Variants in LRRC7 observed in about 807,000 individuals in gnomAD.
The protein encoded by LRRC7 is leucine-rich repeat-containing protein 7.
A neutral mutation model predicts 175.7 loss-of-function variants in LRRC7; 23 were observed. The ratio of observed to expected loss-of-function variants is 0.13; its 90% CI spans 0.09 to 0.19. LRRC7 has a LOEUF of 0.19. LRRC7 is among the 10% of genes least tolerant of loss of function. The pLI is 1.00. For synonymous variants in LRRC7, 685 were observed against 680.9 expected (o/e 1.01, Z -0.09); for missense variants, 1,354 against 1,904.7 (o/e 0.71, Z 5.38).
chr1:69,854,776 T>C (rs1488749984), intron 7 of LRRC7, among the ~76,000 whole-genome samples: 2 of 152,186 alleles, frequency 1.3e-5, no homozygotes, highest in Non-Finnish European at 2.9e-5. Context: ...TTTAAAAATA[T>C]GCCAGCATTT....
rs538860884 is a variant in LRRC7, at chr1:70,003,075, G to A, written c.1004+8442G>A. 2.0e-5 allele frequency among the ~76,000 whole-genome samples: 3 copies of A among 152,266 alleles called. No homozygotes were observed. In the South Asian group the frequency reaches 6.2e-4, roughly 32 times the overall value. On this transcript the variant is annotated intron_variant, in intron 11 of 26. Coordinates refer to ENST00000651989, the MANE Select transcript of LRRC7 (RefSeq NM_001370785.2). The stretch of plus-strand genomic sequence containing the variant: ...AGTCCAAGTTCAAGGCACCAGCAAG[G>A]TAGGTTTTATTCTGAGCCCTCTTCT...
chr1:69,920,533 A>G (rs940963577), intron 7 of LRRC7, among the ~76,000 whole-genome samples: 1 of 152,210 alleles, frequency 6.6e-6, no homozygotes, highest in Non-Finnish European at 1.5e-5. Context: ...ACACTGAAGC[A>G]TAAGATATCA....
At chr1:69,928,034 C>G (rs1647143673) in intron 7 of LRRC7, among the ~76,000 whole-genome samples, 1 of 152,196 alleles carries the variant, frequency 6.6e-6, no homozygotes, top group African/African-American at 2.4e-5. Context: ...ACAGGACCCT[C>G]AGCTGCAGGT....
Position 69,792,984 on chromosome 1 carries a change from C to A in LRRC7, c.421+824C>A, listed in dbSNP as rs563788649. ...AGTCAAAAAGGGTTATGTCTAGGTA[C>A]AATGAGGATATAAAATAGGACCCCT... On this transcript the variant is annotated intron_variant, in intron 4 of 26. Coordinates refer to ENST00000651989, the MANE Select transcript of LRRC7 (RefSeq NM_001370785.2). Among the ~76,000 whole-genome samples the A allele has an allele frequency of 5.3e-5, 8 of 152,106 alleles. No individual in the cohort carries two copies. The South Asian group carries it at 1.7e-3, about 32-fold the overall frequency.
intron 23 of LRRC7, among the ~76,000 whole-genome samples, chr1:70,060,183 G>C (rs897675501): frequency 6.6e-6 from 1 of 151,966 alleles, no homozygotes; most frequent in Non-Finnish European, 1.5e-5. Flanking sequence ...AATTAGCCAG[G>C]TGTGGTGGTG....
intron 1 of LRRC7, among the ~76,000 whole-genome samples, chr1:69,631,977 T>A (rs1652582065): frequency 6.6e-6 from 1 of 152,214 alleles, no homozygotes; most frequent in Admixed American, 6.5e-5. Flanking sequence ...TTATCATGTC[T>A]TACAAGACTT....
At chr1:69,707,282 T>C (rs907283907) in intron 2 of LRRC7, among the ~76,000 whole-genome samples, 2 of 152,056 alleles carry the variant, frequency 1.3e-5, no homozygotes, top group Non-Finnish European at 2.9e-5. Context: ...GAGGAGAGAA[T>C]GCCCCCAGAT....
intron 1 of LRRC7, among the ~76,000 whole-genome samples, chr1:69,669,371 A>G (rs562100146): frequency 1.4e-4 from 21 of 152,292 alleles, no homozygotes; most frequent in Admixed American, 1.3e-4. Flanking sequence ...TTTTTCCTTC[A>G]GCACTTTAGA....
chr1:69,838,591 A>G (rs1297515303), intron 7 of LRRC7, among the ~76,000 whole-genome samples: 2 of 151,954 alleles, frequency 1.3e-5, no homozygotes, highest in African/African-American at 4.8e-5. Flanking sequence ...AGCTAAAAAC[A>G]ATAGTGTCAC....
At chr1:69,948,284 T>C (rs1361396898) in intron 8 of LRRC7, among the ~76,000 whole-genome samples, 1 of 152,224 alleles carries the variant, frequency 6.6e-6, no homozygotes, top group Admixed American at 6.5e-5. Context: ...TTTGTTGATA[T>C]GTTTACCTTT....
At chr1:69,944,353 C>T (rs1192405743) in intron 8 of LRRC7, among the ~76,000 whole-genome samples, 2 of 152,078 alleles carry the variant, frequency 1.3e-5, no homozygotes, top group Non-Finnish European at 2.9e-5. Context: ...ATATGCTACT[C>T]ATCAGTTGAT....
At chr1:69,720,428 T>C (rs1666224879) in intron 2 of LRRC7, among the ~76,000 whole-genome samples, 1 of 151,588 alleles carries the variant, frequency 6.6e-6, no homozygotes, top group African/African-American at 2.4e-5. Flanking sequence ...AAGACATTTT[T>C]CACAGTTTAA....
At chr1:69,913,701 C>T (rs12059668) in intron 7 of LRRC7, among the ~76,000 whole-genome samples, 14,255 of 151,930 alleles carry the variant, frequency 0.094, 1,508 homozygotes, top group African/African-American at 0.26. Context: ...TTAGTAGAAA[C>T]GGGACTTTAC....
chr1:69,932,082 A>G (rs534978992), intron 8 of LRRC7, among the ~76,000 whole-genome samples: 27 of 152,322 alleles, frequency 1.8e-4, no homozygotes, highest in African/African-American at 6.0e-4. Context: ...ACTGCTGGCA[A>G]GACTGGCAGA....
intron 7 of LRRC7, among the ~76,000 whole-genome samples, chr1:69,926,798 C>T (rs28800774): frequency 0.41 from 61,973 of 151,398 alleles, 13,403 homozygotes; most frequent in East Asian, 0.55. Flanking sequence ...GAGCATTTAG[C>T]CCATTTACAT....
rs139816707 is a variant in LRRC7 at position 69,947,484 on chromosome 1, A to G, written c.711+15914A>G. Among the ~76,000 whole-genome samples, 1,235 of 152,192 alleles carry G rather than the reference A, an allele frequency of 8.1e-3. 14 individuals carry two copies. The highest frequency in any genetic ancestry group is 0.027 in the African/African-American group (1,130 of 41,538). On this transcript the variant is annotated intron_variant, in intron 8 of 26. Coordinates refer to ENST00000651989, the MANE Select transcript of LRRC7 (RefSeq NM_001370785.2). ...TATAAAATATATTATAGTTATAACA[A>G]TTTATTTTAAGCTGATAACAACTTA...
intron 1 of LRRC7, among the ~76,000 whole-genome samples, chr1:69,668,466 A>G (rs227096): frequency 0.73 from 111,242 of 152,048 alleles, 41,054 homozygotes; most frequent in African/African-American, 0.8. Flanking sequence ...CCCTGCAAAG[A>G]ACATGAACTC....
At chr1:69,741,823 C>T (rs374990733) in intron 2 of LRRC7, among the ~76,000 whole-genome samples, 1 of 151,938 alleles carries the variant, frequency 6.6e-6, no homozygotes, top group Non-Finnish European at 1.5e-5. Flanking sequence ...TCTTCAGGAG[C>T]CTTCTAATTA....
Position 70,129,246 on chromosome 1 carries a change from TAAA to T in LRRC7, c.*7373_*7375del, listed in dbSNP as rs199578199. Among the ~76,000 whole-genome samples the T allele has an allele frequency of 9.0e-5, 12 of 134,032 alleles. No homozygotes were observed. The highest frequency in any genetic ancestry group is 1.6e-4 in the Non-Finnish European group (10 of 61,622). The allele number at this position is 134,032 out of a possible 152,430, so 87.9% of individuals were successfully genotyped here. A position where few individuals can be genotyped will look rare whatever the true frequency, so the allele number is the denominator to read the frequency against. ...TGGGTGACAGAGTGAGACTCCATCT[TAAA>T]AAAAAAAAAAAAAGTGTCACGAAAA... On this transcript the variant is annotated 3_prime_UTR_variant, in exon 27 of 27. Transcript: ENST00000651989.
Sources: allele counts gnomAD v4.1 joint callset (sites outside exome capture counted in the v4.1 genomes callset), GRCh38; gene constraint gnomAD v4.1.1; transcripts MANE v1.5; gene names NCBI Gene and HGNC (gene_info 2026-07-23, HGNC 2026-07-21).